Variants in PDZK1 observed in about 807,000 individuals in gnomAD.
PDZK1 encodes PDZ domain containing 1.
A neutral mutation model predicts 38.1 loss-of-function variants in PDZK1; 23 were observed. The ratio of observed to expected loss-of-function variants is 0.60; its 90% CI spans 0.43 to 0.85. The LOEUF (loss-of-function observed/expected upper bound fraction) is 0.85, where lower values mean the gene tolerates loss of function less well. PDZK1 is among the 40% of genes least tolerant of loss of function. PDZK1 has a pLI of 0.00. For missense variants in PDZK1, 297 were observed against 504.3 expected (o/e 0.59, Z 3.94); for synonymous variants, 98 against 186.2 (o/e 0.53, Z 3.86).
intron 5 of PDZK1, among the ~76,000 whole-genome samples, chr1:145,680,293 T>C (rs1217422658): frequency 1.3e-5 from 2 of 152,074 alleles, no homozygotes; most frequent in Non-Finnish European, 1.5e-5. Flanking sequence ...ATTTGATAAA[T>C]TAATGTAAAC....
chr1:145,705,034 T>C (rs1656171275), intron 1 of PDZK1, among the ~76,000 whole-genome samples: 1 of 152,142 alleles, frequency 6.6e-6, no homozygotes, highest in Non-Finnish European at 1.5e-5. Context: ...GTAACACAAA[T>C]GACAAGATCC....
chr1:145,684,168 A>T (rs1481994637), intron 3 of PDZK1, among the ~76,000 whole-genome samples: 2 of 140,454 alleles, frequency 1.4e-5, no homozygotes, highest in African/African-American at 2.7e-5. Context: ...TCTCTTTGTC[A>T]TATCTGAACT....
intron 3 of PDZK1, among the ~76,000 whole-genome samples, chr1:145,684,207 CTT>C (rs1162290584): frequency 8.5e-4 from 102 of 120,022 alleles, no homozygotes; most frequent in African/African-American, 3.0e-3. Context: ...GCATTTTTGG[CTT>C]TTTTTTTTTT....
intron 1 of PDZK1, among the ~76,000 whole-genome samples, chr1:145,702,520 G>A (rs1332423675): frequency 1.3e-5 from 2 of 151,948 alleles, no homozygotes. Context: ...ACTACTACAA[G>A]AGTCTTGCCT....
At position 145,680,993 on chromosome 1, in the gene PDZK1, G is replaced by A; in HGVS notation, c.712C>T (p.Pro238Ser). Residue 238 changes from proline to serine, a missense_variant, in exon 5 of 9, where the codon CCC becomes TCC. Transcript: ENST00000417171. ...ATCTCCACAATTCGGGGCTGGTGGG[G>A]TAACAGTTTCAAACTGGCTGTTTCT... ...KRETASLKLL[P>S]HQPRIVEMKK... is the part of the protein sequence containing the mutation. 1.7e-6 allele frequency: 1 copy of A among 574,692 alleles called. No homozygotes were observed. Among genetic ancestry groups the A allele is most frequent in the Non-Finnish European group, 3.0e-6 (1 of 329,346 alleles). 35.6% of individuals were successfully genotyped at this position (574,692 alleles called of 1,614,324 possible). A position where few individuals can be genotyped will look rare whatever the true frequency, so the allele number is the denominator to read the frequency against.
chr1:145,675,646 AC>A (rs1301999253), intron 6 of PDZK1, among the ~76,000 whole-genome samples: 1 of 152,040 alleles, frequency 6.6e-6, no homozygotes, highest in Non-Finnish European at 1.5e-5. Flanking sequence ...ACGTCTGATA[AC>A]ACTACCCAAA....
chr1:145,701,745 CA>C (rs587687654), intron 1 of PDZK1, among the ~76,000 whole-genome samples: 2 of 151,980 alleles, frequency 1.3e-5, no homozygotes, highest in African/African-American at 2.4e-5. Context: ...ACAGCATAAG[CA>C]AAAAAATCCT....
At chr1:145,703,957 A>G (rs1024068518) in intron 1 of PDZK1, among the ~76,000 whole-genome samples, 17 of 151,914 alleles carry the variant, frequency 1.1e-4, no homozygotes, top group African/African-American at 4.1e-4. Flanking sequence ...GCCTCCTGAG[A>G]AGCTGGGATT....
At chr1:145,692,968 G>A (rs137975060) in intron 1 of PDZK1, among the ~76,000 whole-genome samples, 4,821 of 152,040 alleles carry the variant, frequency 0.032, 239 homozygotes, top group African/African-American at 0.11. Flanking sequence ...CCAAGATTGC[G>A]TCACTGCACT....
intron 6 of PDZK1, among the ~76,000 whole-genome samples, chr1:145,677,242 A>G (rs1207969404): frequency 6.6e-6 from 1 of 151,968 alleles, no homozygotes; most frequent in Admixed American, 6.6e-5. Context: ...TATTCATACA[A>G]TTTACTTTTA....
rs1383376157 is a variant in PDZK1 at position 145,690,842 on chromosome 1, A to G, written c.-2-2819T>C. On this transcript the variant is annotated intron_variant, in intron 1 of 8. Transcript: ENST00000417171. ...CTGTGAGCCTGACATACAAAGAAAC[A>G]CAAATCACTGTTTCTTGGCAGAATC... Among the ~76,000 whole-genome samples the G allele has an allele frequency of 2.6e-5, 4 of 152,216 alleles. No individual in the cohort carries two copies. The East Asian group carries it at 7.7e-4, about 29-fold the overall frequency.
chr1:145,672,510 C>T (rs1435199373), intron 8 of PDZK1, among the ~76,000 whole-genome samples: 3 of 151,158 alleles, frequency 2.0e-5, no homozygotes, highest in African/African-American at 4.9e-5. Flanking sequence ...TTTATTAGCT[C>T]TAGACAGTTG....
chr1:145,700,931 G>A (rs587595860), intron 1 of PDZK1, among the ~76,000 whole-genome samples: 42 of 152,266 alleles, frequency 2.8e-4, no homozygotes, highest in African/African-American at 8.9e-4. Context: ...GGGGCTGGGC[G>A]CGGGGGCTCA....
intron 8 of PDZK1, among the ~76,000 whole-genome samples, chr1:145,671,827 A>G (rs1384751014): frequency 6.6e-6 from 1 of 152,140 alleles, no homozygotes; most frequent in Non-Finnish European, 1.5e-5. Context: ...TAAGACTAGG[A>G]TATTGACTTC....
At chr1:145,702,607 AGCTCGGCCGGGTGCAGTG>A (rs1656023647) in intron 1 of PDZK1, among the ~76,000 whole-genome samples, 1 of 152,180 alleles carries the variant, frequency 6.6e-6, no homozygotes, top group East Asian at 1.9e-4. Context: ...AAGAAAAAGA[AGCTCGGCCGGGTGCAGTG>A]GCTCACGCCT....
intron 1 of PDZK1, among the ~76,000 whole-genome samples, chr1:145,691,453 G>T (rs999093415): frequency 1.1e-4 from 16 of 152,104 alleles, no homozygotes; most frequent in Admixed American, 3.3e-4. Context: ...GCCTAATTAG[G>T]AAGGATCTTT....
At chr1:145,676,297 C>T (rs1653660564) in intron 6 of PDZK1, 3 of 241,872 alleles carry the variant, frequency 1.2e-5, no homozygotes, top group South Asian at 3.1e-4. Flanking sequence ...CAACAAACAG[C>T]TGCAGCAGCC....
intron 1 of PDZK1, among the ~76,000 whole-genome samples, chr1:145,693,182 A>G (rs976623183): frequency 1.3e-5 from 2 of 152,202 alleles, no homozygotes; most frequent in Non-Finnish European, 2.9e-5. Flanking sequence ...TTGTCCACCC[A>G]TGCCCAAAGG....
chr1:145,700,260 C>T (rs1431133651), intron 1 of PDZK1, among the ~76,000 whole-genome samples: 1 of 152,150 alleles, frequency 6.6e-6, no homozygotes, highest in African/African-American at 2.4e-5. Context: ...AAACTCTGGA[C>T]TCAAAAGTAT....
Sources: allele counts gnomAD v4.1 joint callset (sites outside exome capture counted in the v4.1 genomes callset), GRCh38; gene constraint gnomAD v4.1.1; transcripts MANE v1.5; gene names NCBI Gene and HGNC (gene_info 2026-07-23, HGNC 2026-07-21).